FHIP2A: variants seen among roughly 807,000 people sequenced by gnomAD.
FHIP2A encodes FHF complex subunit HOOK interacting protein 2A, also known as family with sequence similarity 160 member B1.
A neutral mutation model predicts 93.5 loss-of-function variants in FHIP2A; 46 were observed. That is an observed-to-expected ratio of 0.49 (90% CI 0.39 to 0.63). The LOEUF is 0.63. Ranked by LOEUF, FHIP2A falls within the 20% of genes least tolerant of loss-of-function variation. FHIP2A has a pLI of 0.00. For synonymous variants in FHIP2A, 332 were observed against 326.5 expected (o/e 1.02, Z -0.18); for missense variants, 769 against 909.7 (o/e 0.85, Z 1.99).
intron 16 of FHIP2A, among the ~76,000 whole-genome samples, chr10:114,897,545 C>G (rs1427343415): frequency 6.6e-6 from 1 of 152,170 alleles, no homozygotes; most frequent in Non-Finnish European, 1.5e-5. Flanking sequence ...ATATTCTTTT[C>G]TCTCCTTCCC....
Position 114,846,682 on chromosome 10 carries a change from C to G in FHIP2A, c.1522C>G (p.Pro508Ala). Residue 508 changes from proline to alanine, a missense_variant, in exon 11 of 17, where the codon CCA becomes GCA. By Grantham distance (27) the Pro-to-Ala change is conservative. Transcript: ENST00000369248. Reference sequence around the variant, plus strand: ...TTATACAGAATATAAACCTTTGTGCCCAGAAGATAAAGATGTGGTAGAAAA... The same window carrying G: ...TTATACAGAATATAAACCTTTGTGCGCAGAAGATAAAGATGTGGTAGAAAA... Reference protein sequence around the residue: ...RNYTEYKPLCPEDKDVVENGL... With the variant: ...RNYTEYKPLCAEDKDVVENGL... 2 of 1,609,078 alleles carry G rather than the reference C, an allele frequency of 1.2e-6. No homozygotes were observed. The highest frequency in any genetic ancestry group is 1.7e-6 in the Non-Finnish European group (2 of 1,178,844).
intron 9 of FHIP2A, 22 bp downstream of exon 9, chr10:114,846,111 GA>G (rs149954431): frequency 6.8e-6 from 11 of 1,612,178 alleles, no homozygotes; most frequent in Non-Finnish European, 9.3e-6. Flanking sequence ...GTTTTCTTTT[GA>G]AAAAAACCGC....
At position 114,843,850 on chromosome 10, in the gene FHIP2A, TGACA is replaced by T. The variant is rs2083684612; in HGVS notation, c.934_937del (p.Arg312LeufsTer15). ...CAGAGCACTTGCTTGTGTGAACTAC[TGACA>T]GACAGACTTGCCTCCCTGTACAAGG... On this transcript the variant is annotated frameshift_variant, in exon 7 of 17. Transcript: ENST00000369248. LOFTEE classifies it high-confidence loss of function. The T allele has an allele frequency of 6.2e-7, 1 of 1,611,764 alleles. No individual in the cohort carries two copies. Among genetic ancestry groups the T allele is most frequent in the Admixed American group, 1.7e-5 (1 of 58,988 alleles).
At chr10:114,832,027 G>A (rs1359947968) in intron 2 of FHIP2A, among the ~76,000 whole-genome samples, 1 of 152,164 alleles carries the variant, frequency 6.6e-6, no homozygotes, top group Non-Finnish European at 1.5e-5. Flanking sequence ...CCAGAATTGT[G>A]TTGTTCAAAC....
At chr10:114,897,355 T>C (rs1477731450) in intron 16 of FHIP2A, among the ~76,000 whole-genome samples, 1 of 152,210 alleles carries the variant, frequency 6.6e-6, no homozygotes, top group African/African-American at 2.4e-5. Flanking sequence ...GACCCTTTAT[T>C]CGGTGTACTT....
At chr10:114,874,784 A>G (rs1389582148) in intron 16 of FHIP2A, among the ~76,000 whole-genome samples, 2 of 152,232 alleles carry the variant, frequency 1.3e-5, no homozygotes, top group African/African-American at 2.4e-5. Flanking sequence ...GATTACAGGC[A>G]TGAGCCATCG....
At chr10:114,876,258 T>C (rs1025024259) in intron 16 of FHIP2A, among the ~76,000 whole-genome samples, 4 of 152,174 alleles carry the variant, frequency 2.6e-5, no homozygotes, top group South Asian at 4.1e-4. Context: ...AGGAGCGCTG[T>C]GGACCAGGCA....
chr10:114,899,366 T>G (rs1377431550), intron 16 of FHIP2A: 1 of 624,330 alleles, frequency 1.6e-6, no homozygotes, highest in East Asian at 2.8e-5. Context: ...TAATATGTAT[T>G]GGTTTACATA....
chr10:114,890,730 A>AAT (rs903906378), intron 16 of FHIP2A, among the ~76,000 whole-genome samples: 3 of 148,294 alleles, frequency 2.0e-5, no homozygotes, highest in African/African-American at 7.4e-5. Flanking sequence ...TAGTATATAA[A>AAT]ATATATACTG....
At position 114,861,857 on chromosome 10, in the gene FHIP2A, TTGA is replaced by T; in HGVS notation, c.*322_*324del. ...CTGCAATATTTCCAATGTCATGACT[TTGA>T]TGATATTTCTGTTATATTAATGTCC... is the stretch of plus-strand genomic sequence containing the variant. On this transcript the variant is annotated 3_prime_UTR_variant, in exon 17 of 17. Transcript: ENST00000369248. The T allele has an allele frequency of 9.9e-7, 1 of 1,013,960 alleles. No homozygotes were observed. Among genetic ancestry groups the T allele is most frequent in the Non-Finnish European group, 1.2e-6 (1 of 848,236 alleles). The allele number at this position is 1,013,960 out of a possible 1,614,324, so 62.8% of individuals were successfully genotyped here. A position where few individuals can be genotyped will look rare whatever the true frequency, so the allele number is the denominator to read the frequency against.
intron 16 of FHIP2A, among the ~76,000 whole-genome samples, chr10:114,895,585 C>A (rs1230632633): frequency 2.6e-5 from 4 of 152,128 alleles, no homozygotes; most frequent in African/African-American, 9.7e-5. Flanking sequence ...GGACCTTTAA[C>A]CATTCAGATC....
At chr10:114,823,328 A>G (rs1345403804) in intron 1 of FHIP2A, among the ~76,000 whole-genome samples, 3 of 152,226 alleles carry the variant, frequency 2.0e-5, no homozygotes, top group Non-Finnish European at 4.4e-5. Flanking sequence ...AATGTAGAGC[A>G]GTATTACACG....
chr10:114,888,727 C>G (rs1160328662), intron 16 of FHIP2A, among the ~76,000 whole-genome samples: 1 of 152,122 alleles, frequency 6.6e-6, no homozygotes, highest in Non-Finnish European at 1.5e-5. Flanking sequence ...CTCAGTCGCC[C>G]AAGTAGCTGG....
chr10:114,879,075 A>G (rs551271270), intron 16 of FHIP2A, among the ~76,000 whole-genome samples: 3 of 152,224 alleles, frequency 2.0e-5, no homozygotes, highest in Non-Finnish European at 4.4e-5. Context: ...GAATCATTCT[A>G]TAAGCAAGCT....
intron 13 of FHIP2A, among the ~76,000 whole-genome samples, chr10:114,851,323 G>C (rs1001720277): frequency 4.6e-5 from 7 of 152,078 alleles, no homozygotes; most frequent in African/African-American, 1.7e-4. Context: ...TTTCACCTAA[G>C]TCTCTTTCTA....
rs2083818065 is a variant in FHIP2A, at chr10:114,864,372, A to G, written c.*2832A>G. 1.0e-6 allele frequency: 1 copy of G among 985,778 alleles called. No individual in the cohort carries two copies. Among genetic ancestry groups the G allele is most frequent in the Non-Finnish European group, 1.2e-6 (1 of 829,810 alleles). The allele number at this position is 985,778 out of a possible 1,614,324, so 61.1% of individuals were successfully genotyped here. A position where few individuals can be genotyped will look rare whatever the true frequency, so the allele number is the denominator to read the frequency against. ...ATATTTTGGGTTATGTAGTAAATCA[A>G]ATATGCATGTCATTGTGACACTTTA... is the stretch of plus-strand genomic sequence containing the variant. On this transcript the variant is annotated 3_prime_UTR_variant, in exon 17 of 17. Coordinates refer to ENST00000369248, the MANE Select transcript of FHIP2A (RefSeq NM_020940.4).
At chr10:114,846,864 C>T (rs2083704793) in intron 11 of FHIP2A, 136 bp downstream of exon 11, 1 of 812,000 alleles carries the variant, frequency 1.2e-6, no homozygotes, top group African/African-American at 1.7e-5. Context: ...AAATTAGATG[C>T]ATTGATACTA....
intron 14 of FHIP2A, 28 bp downstream of exon 14, chr10:114,855,368 A>G (rs779922035): frequency 1.3e-6 from 2 of 1,586,420 alleles, no homozygotes; most frequent in African/African-American, 1.4e-5. Context: ...ACTAATTTTC[A>G]TATTTTTTTT....
chr10:114,835,882 G>C (rs2083634280), intron 4 of FHIP2A, among the ~76,000 whole-genome samples: 1 of 152,008 alleles, frequency 6.6e-6, no homozygotes. Context: ...TTACTTCCAT[G>C]ACATCTGAAG....
Sources: allele counts gnomAD v4.1 joint callset (sites outside exome capture counted in the v4.1 genomes callset), GRCh38; gene constraint gnomAD v4.1.1; transcripts MANE v1.5; gene names NCBI Gene and HGNC (gene_info 2026-07-23, HGNC 2026-07-21).